The following EIF4G3 variants were observed in gnomAD, a reference collection of about 807,000 sequenced individuals.
The protein encoded by EIF4G3 is eIF-4-gamma 3.
EIF4G3 carries 34 observed loss-of-function variants against 186.4 expected under a neutral mutation model. That is an observed-to-expected ratio of 0.18 (90% CI 0.14 to 0.24). The LOEUF (loss-of-function observed/expected upper bound fraction) is 0.24, where lower values mean the gene tolerates loss of function less well. Among genes scored for constraint, EIF4G3 ranks in the 10% least tolerant of loss-of-function variants. EIF4G3 has a pLI of 1.00. For missense variants in EIF4G3, 1,536 were observed against 1,948.5 expected, an observed-to-expected ratio of 0.79 and a Z score of 3.99; for synonymous variants, 673 against 679.5, an observed-to-expected ratio of 0.99 and a Z score of 0.15.
intron 2 of EIF4G3, among the ~76,000 whole-genome samples, chr1:21,149,677 ATCTC>A (rs1316868288): frequency 1.3e-5 from 2 of 152,184 alleles, no homozygotes; most frequent in African/African-American, 4.8e-5. Context: ...ACCACTCCCC[ATCTC>A]TCACCTTAAC....
At chr1:21,139,422 T>C (rs1480512296) in intron 2 of EIF4G3, among the ~76,000 whole-genome samples, 1 of 151,846 alleles carries the variant, frequency 6.6e-6, no homozygotes, top group African/African-American at 2.4e-5. Context: ...ACCACTGCAC[T>C]CCAGCCTGGG....
intron 14 of EIF4G3, 93 bp downstream of exon 14, chr1:20,941,398 G>A: frequency 1.9e-6 from 3 of 1,610,596 alleles, no homozygotes; most frequent in Non-Finnish European, 2.5e-6. Context: ...CGATGTTTCT[G>A]GAAGTCAAGG....
At chr1:20,977,371 G>C (rs1192898408) in intron 10 of EIF4G3, among the ~76,000 whole-genome samples, 1 of 151,994 alleles carries the variant, frequency 6.6e-6, no homozygotes, top group Non-Finnish European at 1.5e-5. Context: ...ATTTTAAGTA[G>C]AGATGGGGTT....
intron 3 of EIF4G3, among the ~76,000 whole-genome samples, chr1:21,088,667 C>A (rs1025030730): frequency 1.3e-5 from 2 of 152,094 alleles, no homozygotes; most frequent in African/African-American, 4.8e-5. Context: ...GAGTTTGAGA[C>A]CAGCCTGGCC....
rs765327468 is a variant in EIF4G3, at chr1:20,810,799, C to T, written c.4683G>A (p.Glu1561=). ...GTGCATAAAGTGCTTGCAGTTCCTT[C>T]TCTGTATCTGAGTCTAGGTACTTGA... The part of the protein sequence containing the change: ...ILLKYLDSDT[E]KELQALYALQ... The change falls in exon 36 of 37, where the codon GAG becomes GAA. Residue 1561 remains glutamate (E), a synonymous_variant. Transcript: ENST00000602326. This position sits in a 1 kb window ranked among gnomAD's most constrained non-coding sequence, Gnocchi z 4.1. 3.1e-6 allele frequency: 5 copies of T among 1,614,144 alleles called. No homozygotes were observed. In the East Asian group the frequency reaches 1.1e-4, roughly 36 times the overall value.
At chr1:20,960,452 ACT>A (rs1279832244) in intron 12 of EIF4G3, among the ~76,000 whole-genome samples, 3 of 151,726 alleles carry the variant, frequency 2.0e-5, no homozygotes, top group African/African-American at 4.8e-5. Context: ...GGCAACAGAG[ACT>A]CTGTTTCAAA....
At chr1:20,845,390 C>T (rs147994924) in intron 29 of EIF4G3, among the ~76,000 whole-genome samples, 276 of 152,170 alleles carry the variant, frequency 1.8e-3, no homozygotes, top group Non-Finnish European at 3.0e-3. Flanking sequence ...AGGCTGGGCG[C>T]GGTGGCTCAC....
intron 25 of EIF4G3, among the ~76,000 whole-genome samples, chr1:20,855,846 G>A (rs2074735095): frequency 6.6e-6 from 1 of 152,020 alleles, no homozygotes; most frequent in African/African-American, 2.4e-5. Context: ...AGTACCTCCA[G>A]TATAACTATC....
chr1:20,807,245 A>G lies in EIF4G3; in HGVS notation c.*74T>C, dbSNP rs1357826049. ...CGAGAATTGGCCTTGCTGCACTGTG[A>G]TTGGCGAAGACGTGAAACTTTTTAA... On this transcript the variant is annotated 3_prime_UTR_variant, in exon 37 of 37. Coordinates refer to ENST00000602326, the MANE Select transcript of EIF4G3 (RefSeq NM_001391906.1). 1.4e-6 allele frequency: 2 copies of G among 1,439,484 alleles called. No homozygotes were observed. Among genetic ancestry groups the G allele is most frequent in the East Asian group, 2.3e-5 (1 of 42,910 alleles). 89.2% of individuals were successfully genotyped at this position (1,439,484 alleles called of 1,614,324 possible). A position where few individuals can be genotyped will look rare whatever the true frequency, so the allele number is the denominator to read the frequency against.
intron 4 of EIF4G3, among the ~76,000 whole-genome samples, chr1:21,029,106 C>T (rs1030865248): frequency 2.6e-5 from 4 of 152,046 alleles, no homozygotes; most frequent in Non-Finnish European, 5.9e-5. Context: ...CAACCTCCAC[C>T]CCCTAGGTCC....
At chr1:21,027,762 C>G (rs1300426424) in intron 4 of EIF4G3, among the ~76,000 whole-genome samples, 1 of 152,174 alleles carries the variant, frequency 6.6e-6, no homozygotes, top group South Asian at 2.1e-4. Flanking sequence ...AATAACCATA[C>G]AGTTCTGCAA....
At chr1:21,010,482 A>C (rs1373609379) in intron 4 of EIF4G3, among the ~76,000 whole-genome samples, 1 of 152,072 alleles carries the variant, frequency 6.6e-6, no homozygotes, top group African/African-American at 2.4e-5. Context: ...GAAAACATGT[A>C]ACAAAATTTA....
chr1:21,068,283 C>T (rs537262503), intron 3 of EIF4G3, among the ~76,000 whole-genome samples: 1 of 146,616 alleles, frequency 6.8e-6, no homozygotes, highest in Non-Finnish European at 1.5e-5. Flanking sequence ...GCATGAGTAT[C>T]GCTTGAACCT....
intron 2 of EIF4G3, among the ~76,000 whole-genome samples, chr1:21,156,435 C>T (rs934785870): frequency 1.4e-4 from 22 of 152,168 alleles, no homozygotes; most frequent in Non-Finnish European, 2.8e-4. Flanking sequence ...TTCTGCTCAT[C>T]TGACTTCCAT....
At chr1:20,812,087 G>A (rs1223941347) in intron 35 of EIF4G3, among the ~76,000 whole-genome samples, 5 of 152,156 alleles carry the variant, frequency 3.3e-5, no homozygotes, top group African/African-American at 9.7e-5. Flanking sequence ...TATATTATCT[G>A]TAAGTTATCA....
At chr1:21,015,398 T>C (rs1372664074) in intron 4 of EIF4G3, among the ~76,000 whole-genome samples, 1 of 151,820 alleles carries the variant, frequency 6.6e-6, no homozygotes, top group Non-Finnish European at 1.5e-5. Context: ...AAGACATGGA[T>C]ATATGATAGC....
intron 2 of EIF4G3, among the ~76,000 whole-genome samples, chr1:21,106,710 A>G (rs1242009124): frequency 1.3e-5 from 2 of 152,210 alleles, no homozygotes; most frequent in Non-Finnish European, 2.9e-5. Flanking sequence ...ACATAAAAAT[A>G]GCATTTAATG....
rs1265059819 is a variant in EIF4G3, at chr1:20,926,336, CCA to C, written c.1663+15153_1663+15154del. The stretch of plus-strand genomic sequence containing the variant: ...GTTGTTGTGAGGGTTAAAGAACTGA[CCA>C]CAGTGTCTAATAAATAGCAAGCATT... On this transcript the variant is annotated intron_variant, in intron 14 of 36. Transcript: ENST00000602326. Among the ~76,000 whole-genome samples, 5 of 152,262 alleles carry C rather than the reference CCA, an allele frequency of 3.3e-5. No individual in the cohort carries two copies. In the South Asian group the frequency reaches 8.3e-4, roughly 25 times the overall value.
intron 3 of EIF4G3, among the ~76,000 whole-genome samples, chr1:21,071,676 C>T (rs2095443888): frequency 6.6e-6 from 1 of 151,398 alleles, no homozygotes; most frequent in Admixed American, 6.6e-5. Flanking sequence ...CATGGTGGTG[C>T]GAGCCTGTAA....
Sources: gnomAD v4.1 joint callset for allele counts (sites outside exome capture counted in the v4.1 genomes callset) on GRCh38, gnomAD v4.1.1 for gene constraint, Gnocchi (gnomAD v3.1) non-coding constraint, MANE v1.5 for transcripts, NCBI Gene and HGNC (gene_info 2026-07-23, HGNC 2026-07-21) for gene names.